KLF8: variants seen among roughly 807,000 people sequenced by gnomAD.
The protein encoded by KLF8 is Krueppel-like factor 8.
Under a neutral mutation model 18.2 loss-of-function variants are expected in KLF8, and 10 were observed. The observed-to-expected ratio is 0.55, with a 90% CI of 0.34 to 0.93. KLF8 has a LOEUF of 0.93. KLF8 is among the 40% of genes least tolerant of loss of function. The probability of loss-of-function intolerance (pLI) is 0.02; values close to 1 mark genes in which losing one functional copy is unlikely to be tolerated. For missense variants in KLF8, 264 were observed against 277.9 expected (o/e 0.95, Z 0.36); for synonymous variants, 109 against 97.3 (o/e 1.12, Z -0.71).
the KLF8 span, among the ~76,000 whole-genome samples, chrX:56,205,892 T>C: frequency 9.0e-6 from 1 of 111,662 alleles, no homozygotes; most frequent in Admixed American, 9.5e-5. Context: ...AGGCTGCTAA[T>C]AAAGACATAC....
the KLF8 span, among the ~76,000 whole-genome samples, chrX:56,168,341 T>C: frequency 8.9e-6 from 1 of 111,794 alleles, no homozygotes; most frequent in African/African-American, 3.2e-5. Flanking sequence ...AGCAGAAATT[T>C]AACCAAAATA....
At chrX:56,165,473 T>C in the KLF8 span, among the ~76,000 whole-genome samples, 1 of 112,741 alleles carries the variant, frequency 8.9e-6, no homozygotes, top group South Asian at 3.6e-4. Context: ...GATTTTTTCC[T>C]ATGCATGATT....
At chrX:56,160,070 G>A in the KLF8 span, among the ~76,000 whole-genome samples, 1 of 111,896 alleles carries the variant, frequency 8.9e-6, no homozygotes, top group East Asian at 2.8e-4. Context: ...ATGTGTCCCA[G>A]AGATTCTGGT....
At chrX:56,111,880 GGTGGGA>G in the KLF8 span, among the ~76,000 whole-genome samples, 1 of 112,110 alleles carries the variant, frequency 8.9e-6, no homozygotes, top group South Asian at 3.7e-4. Context: ...TTACACTGTT[GGTGGGA>G]GTGTAAATTA....
At chrX:56,058,279 C>CATATATATATATATAT in the KLF8 span, among the ~76,000 whole-genome samples, 6 of 7,301 alleles carry the variant, frequency 8.2e-4, no homozygotes, top group Non-Finnish European at 1.4e-3. Context: ...CATATATATA[C>CATATATATATATATAT]ATATATATAT....
the KLF8 span, among the ~76,000 whole-genome samples, chrX:56,157,575 C>A: frequency 7.2e-5 from 8 of 110,380 alleles, no homozygotes; most frequent in African/African-American, 2.6e-4. Flanking sequence ...TTTTAACGAT[C>A]GTCATTGTAA....
chrX:56,185,153 A>G, the KLF8 span, among the ~76,000 whole-genome samples: 1 of 112,364 alleles, frequency 8.9e-6, no homozygotes, highest in African/African-American at 3.2e-5. Context: ...GTATAACTAG[A>G]AAAATCAAGA....
the KLF8 span, among the ~76,000 whole-genome samples, chrX:55,910,573 G>A: frequency 8.9e-6 from 1 of 111,902 alleles, no homozygotes; most frequent in African/African-American, 3.2e-5. Flanking sequence ...TGGACAAGAG[G>A]AAGAGTGCGG....
the KLF8 span, chrX:56,074,475 A>C: frequency 3.6e-5 from 4 of 111,820 alleles, no homozygotes; most frequent in Non-Finnish European, 5.6e-5. Flanking sequence ...GTATGTTTTC[A>C]GATGGTGATC....
the KLF8 span, among the ~76,000 whole-genome samples, chrX:56,134,388 A>G: frequency 1.8e-5 from 2 of 111,795 alleles, no homozygotes; most frequent in Non-Finnish European, 3.8e-5. Flanking sequence ...CTGATCTTCA[A>G]CAAAGCAAAC....
the KLF8 span, chrX:55,961,143 C>G: frequency 5.4e-6 from 1 of 184,549 alleles, no homozygotes; most frequent in Admixed American, 6.6e-5. Context: ...CTTAACAATT[C>G]TAAATATGGC....
chrX:55,956,263 C>T, the KLF8 span, among the ~76,000 whole-genome samples: 1 of 110,470 alleles, frequency 9.1e-6, no homozygotes, highest in East Asian at 2.8e-4. Context: ...GGATAACCTT[C>T]ACTAATTCAA....
chrX:56,225,627 CA>C, the KLF8 span, among the ~76,000 whole-genome samples: 1 of 112,023 alleles, frequency 8.9e-6, no homozygotes, highest in Non-Finnish European at 1.9e-5. Flanking sequence ...AAAATTTATA[CA>C]GTGCTTAGTC....
chrX:56,104,638 GA>G, the KLF8 span, among the ~76,000 whole-genome samples: 1 of 110,655 alleles, frequency 9.0e-6, no homozygotes, highest in Non-Finnish European at 1.9e-5. Context: ...GAGGACTATC[GA>G]TTTTGTTGAT....
chrX:55,924,324 G>A, the KLF8 span, among the ~76,000 whole-genome samples: 6 of 111,455 alleles, frequency 5.4e-5, no homozygotes, highest in South Asian at 1.5e-3. Context: ...TGATCTGCCC[G>A]CCTCAGCCTC....
At chrX:56,162,239 T>A in the KLF8 span, among the ~76,000 whole-genome samples, 1 of 112,287 alleles carries the variant, frequency 8.9e-6, no homozygotes, top group Non-Finnish European at 1.9e-5. Context: ...GCGGAGGCAG[T>A]CTGTCCATTC....
chrX:56,078,884 T>C, the KLF8 span, among the ~76,000 whole-genome samples: 1 of 111,308 alleles, frequency 9.0e-6, no homozygotes, highest in Non-Finnish European at 1.9e-5. Context: ...AGTGTATGTG[T>C]CCAGGAATTT....
chrX:56,067,201 G>A, the KLF8 span, among the ~76,000 whole-genome samples: 2 of 104,528 alleles, frequency 1.9e-5, no homozygotes, highest in Admixed American at 9.9e-5. Flanking sequence ...CAGTACTCAC[G>A]TCTTCCATTC....
the KLF8 span, among the ~76,000 whole-genome samples, chrX:55,963,562 T>TA: frequency 0.074 from 8,095 of 109,581 alleles, 764 homozygotes; most frequent in African/African-American, 0.26. Flanking sequence ...CCTCTGAAAA[T>TA]AAAAAAAAAT....
Sources: gnomAD v4.1 joint callset for allele counts (sites outside exome capture counted in the v4.1 genomes callset) on GRCh38, gnomAD v4.1.1 for gene constraint, MANE v1.5 for transcripts, NCBI Gene and HGNC (gene_info 2026-07-23, HGNC 2026-07-21) for gene names.